KLHL11: variants seen among roughly 807,000 people sequenced by gnomAD.
KLHL11 encodes the protein kelch like family member 11.
A neutral mutation model predicts 56.1 loss-of-function variants in KLHL11; 26 were observed. The observed-to-expected ratio is 0.46, with a 90% CI of 0.34 to 0.64. The LOEUF is 0.64. Ranked by LOEUF, KLHL11 falls within the 30% of genes least tolerant of loss-of-function variation. The pLI is 0.01. For synonymous variants in KLHL11, 338 were observed against 345.8 expected (o/e 0.98, Z 0.25); for missense variants, 627 against 919.4 (o/e 0.68, Z 4.11).
At position 41,851,674 on chromosome 17, in the gene KLHL11, T is replaced by C. The variant is rs371904918; in HGVS notation, c.*2066A>G. Among the ~76,000 whole-genome samples the C allele has an allele frequency of 6.6e-6, 1 of 150,816 alleles. No individual in the cohort carries two copies. The highest frequency in any genetic ancestry group is 1.5e-5 in the Non-Finnish European group (1 of 67,810). On this transcript the variant is annotated 3_prime_UTR_variant, in exon 2 of 2. Coordinates refer to ENST00000319121, the MANE Select transcript of KLHL11 (RefSeq NM_018143.3). Reference sequence around the variant, plus strand: ...TAATCCTAGCACCCTGGGAGGCTGATACGGGTGGATCTCCTGAGCCCAGGA... The same window carrying C: ...TAATCCTAGCACCCTGGGAGGCTGACACGGGTGGATCTCCTGAGCCCAGGA...
chr17:41,858,400 A>G (rs552339356), intron 1 of KLHL11, among the ~76,000 whole-genome samples: 78 of 79,190 alleles, frequency 9.8e-4, no homozygotes, highest in African/African-American at 3.4e-3. Context: ...ATATATATAT[A>G]TATATTTTTT....
chr17:41,863,340 G>GCCTCCCCAACA, intron 1 of KLHL11, among the ~76,000 whole-genome samples: 1 of 152,024 alleles, frequency 6.6e-6, no homozygotes, highest in South Asian at 2.1e-4. Context: ...TGGGATTACA[G>GCCTCCCCAACA]GCACACCACC....
chr17:41,858,248 G>C (rs1363582861), intron 1 of KLHL11, among the ~76,000 whole-genome samples: 1 of 122,452 alleles, frequency 8.2e-6, no homozygotes, highest in South Asian at 2.7e-4. Context: ...TTTTGAGACA[G>C]ATCAGATTCT....
rs375008664 is a variant in KLHL11, at chr17:41,863,255, A to G, written c.545+1571T>C. 2.9e-3 allele frequency among the ~76,000 whole-genome samples: 439 copies of G among 149,558 alleles called. 5 individuals are homozygous for G. Among genetic ancestry groups the G allele is most frequent in the African/African-American group, 0.01 (417 of 40,516 alleles). ...CGCCAGGCTGGAGTAGAGCGGCGCA[A>G]TCTCAGCTTACTGCAACCTCAGCCT... On this transcript the variant is annotated intron_variant, in intron 1 of 1. Coordinates refer to ENST00000319121, the MANE Select transcript of KLHL11 (RefSeq NM_018143.3).
chr17:41,854,140 G>A lies in KLHL11; in HGVS notation c.1727C>T (p.Ala576Val). The A allele has an allele frequency of 6.2e-7, 1 of 1,614,036 alleles. No homozygotes were observed. Among genetic ancestry groups the A allele is most frequent in the East Asian group, 2.2e-5 (1 of 44,892 alleles). Residue 576 changes from alanine (A) to valine (V), a missense_variant, in exon 2 of 2, where the codon GCA becomes GTA. Physicochemically the swap from Ala to Val is moderately conservative, Grantham distance 64. Around this residue, in one of 4 missense-constraint regions of KLHL11, gnomAD observed 250 missense variants for 360.6 expected, o/e 0.69. Coordinates refer to ENST00000319121, the MANE Select transcript of KLHL11 (RefSeq NM_018143.3). This position sits in a 1 kb window ranked among gnomAD's most constrained non-coding sequence, Gnocchi z 4.9. Reference protein sequence around the residue: ...PKSYCLENEEAVRKIASQVSD... With the variant: ...PKSYCLENEEVVRKIASQVSD... ...CACTTGGCTGGCAATTTTTCTTACTGCCTCTTCGTTTTCTAAACAATAACT... is the reference window on the plus strand; with the variant it reads ...CACTTGGCTGGCAATTTTTCTTACTACCTCTTCGTTTTCTAAACAATAACT...
chr17:41,864,788 C>A (rs782448609), intron 1 of KLHL11, 38 bp downstream of exon 1: 34 of 1,480,632 alleles, frequency 2.3e-5, no homozygotes, highest in Non-Finnish European at 3.0e-5. Context: ...CCCCTCTCCG[C>A]GCCCGCCGCC....
At position 41,853,342 on chromosome 17, in the gene KLHL11, A is replaced by G. The variant is rs1284968127; in HGVS notation, c.*398T>C. Among the ~76,000 whole-genome samples, 5 of 152,254 alleles carry G rather than the reference A, an allele frequency of 3.3e-5. No homozygotes were observed. The highest frequency in any genetic ancestry group is 7.3e-5 in the Non-Finnish European group (5 of 68,046). On this transcript the variant is annotated 3_prime_UTR_variant, in exon 2 of 2. Coordinates refer to ENST00000319121, the MANE Select transcript of KLHL11 (RefSeq NM_018143.3). ...AAGTCAGATCTTGCCAAAACCAATCATTTAATAAAAAATGAAAAAGAATAT... is the reference window on the plus strand; with the variant it reads ...AAGTCAGATCTTGCCAAAACCAATCGTTTAATAAAAAATGAAAAAGAATAT...
At position 41,865,332 on chromosome 17, in the gene KLHL11, G is replaced by GGCCGCCGCCGCC. The variant is rs540223512; in HGVS notation, c.27_38dup (p.Ala13_Ala16dup). 3.5e-6 allele frequency: 5 copies of GGCCGCCGCCGCC among 1,442,220 alleles called. No individual in the cohort carries two copies. The highest frequency in any genetic ancestry group is 4.1e-4 in the Middle Eastern group (2 of 4,822). 89.3% of individuals were successfully genotyped at this position (1,442,220 alleles called of 1,614,324 possible). Reference sequence around the variant, plus strand: ...CCAGTACCTGAAGAGATGCAGCCGCGGCCGCCGCCGCCGCCGCCGCCACTG... The same window carrying GGCCGCCGCCGCC: ...CCAGTACCTGAAGAGATGCAGCCGCGGCCGCCGCCGCCGCCGCCGCCGCCGCCGCCGCCACTG... On this transcript the variant is annotated inframe_insertion, in exon 1 of 2. Coordinates refer to ENST00000319121, the MANE Select transcript of KLHL11 (RefSeq NM_018143.3).
Position 41,853,805 on chromosome 17 carries a change from T to C in KLHL11, c.2062A>G (p.Met688Val). Residue 688 changes from methionine (M) to valine (V), a missense_variant, in exon 2 of 2, where the codon ATG (methionine) becomes GTG (valine). By Grantham distance (21) the Met-to-Val change is conservative. Coordinates refer to ENST00000319121, the MANE Select transcript of KLHL11 (RefSeq NM_018143.3). ...AGGGCGTGACGATGTATCTCTTGCA[T>C]CTGTCTGATGCGGTCCTTCTGCCAC... ...LMWQKDRIRQ[M>V]QEIHRHALNM... 1 of 1,614,196 alleles carries C rather than the reference T, an allele frequency of 6.2e-7. No individual in the cohort carries two copies. Among genetic ancestry groups the C allele is most frequent in the Non-Finnish European group, 8.5e-7 (1 of 1,180,028 alleles).
In KLHL11 at chr17:41,853,215, A is replaced by T. The variant is rs1303432618; in HGVS notation, c.*525T>A. Among the ~76,000 whole-genome samples, 15 of 152,230 alleles carry T rather than the reference A, an allele frequency of 9.9e-5. No homozygotes were observed. The highest frequency in any genetic ancestry group is 9.2e-4 in the Admixed American group (14 of 15,282). The stretch of plus-strand genomic sequence containing the variant: ...TCTAGATAAACATAAGAAAATATCA[A>T]TGCAAACATTCTCAAATTATCTTGC... On this transcript the variant is annotated 3_prime_UTR_variant, in exon 2 of 2. Coordinates refer to ENST00000319121, the MANE Select transcript of KLHL11 (RefSeq NM_018143.3).
chr17:41,860,489 G>T (rs1026135820), intron 1 of KLHL11, among the ~76,000 whole-genome samples: 1 of 152,110 alleles, frequency 6.6e-6, no homozygotes, highest in Non-Finnish European at 1.5e-5. Context: ...CCTGACAAAA[G>T]CCATTGGCTT....
chr17:41,856,138 G>C (rs1555622535), intron 1 of KLHL11, among the ~76,000 whole-genome samples: 1 of 151,964 alleles, frequency 6.6e-6, no homozygotes, highest in South Asian at 2.1e-4. Context: ...TTACAGGCGT[G>C]TGCCACCACA....
intron 1 of KLHL11, among the ~76,000 whole-genome samples, chr17:41,856,269 C>T (rs1039453580): frequency 9.9e-5 from 15 of 152,164 alleles, no homozygotes; most frequent in East Asian, 3.9e-4. Context: ...AGATTACAGG[C>T]GTGGGCCACT....
intron 1 of KLHL11, among the ~76,000 whole-genome samples, chr17:41,862,232 G>C (rs2048408278): frequency 6.6e-6 from 1 of 151,720 alleles, no homozygotes; most frequent in Non-Finnish European, 1.5e-5. Context: ...GGGATTACAG[G>C]CACCTGCCAC....
rs1037077857 is a variant in KLHL11 at position 41,864,903 on chromosome 17, G to C, written c.468C>G (p.Ala156=). Residue 156 remains alanine (A), a synonymous_variant, in exon 1 of 2, where the codon GCC becomes GCG. Coordinates refer to ENST00000319121, the MANE Select transcript of KLHL11 (RefSeq NM_018143.3). The part of the protein sequence containing the change: ...EPGPEPDTVE[A]VIEYMYTGRI... ...GCCCGGTGTACATGTACTCGATTACGGCTTCCACTGTGTCGGGTTCGGGCC... is the reference window on the plus strand; with the variant it reads ...GCCCGGTGTACATGTACTCGATTACCGCTTCCACTGTGTCGGGTTCGGGCC... 1.9e-6 allele frequency: 3 copies of C among 1,609,296 alleles called. No individual in the cohort carries two copies. The highest frequency in any genetic ancestry group is 2.5e-6 in the Non-Finnish European group (3 of 1,178,184).
At chr17:41,859,666 C>T (rs1240016064) in intron 1 of KLHL11, among the ~76,000 whole-genome samples, 2 of 152,044 alleles carry the variant, frequency 1.3e-5, no homozygotes, top group Non-Finnish European at 2.9e-5. Context: ...TAAGAATTGC[C>T]TGAACCTGGG....
Position 41,848,814 on chromosome 17 carries a change from C to G in KLHL11, c.*4926G>C, listed in dbSNP as rs1255690209. The stretch of plus-strand genomic sequence containing the variant: ...GATCATAAAATCTTCAAACACCTAG[C>G]AAGCACTACTTTTCACGAGTGCATT... On this transcript the variant is annotated 3_prime_UTR_variant, in exon 2 of 2. Transcript: ENST00000319121. The G allele has an allele frequency of 6.4e-6, 1 of 157,410 alleles. No homozygotes were observed. The highest frequency in any genetic ancestry group is 1.4e-5 in the Non-Finnish European group (1 of 70,902). The allele number at this position is 157,410 out of a possible 1,614,324, so 9.8% of individuals were successfully genotyped here. A position where few individuals can be genotyped will look rare whatever the true frequency, so the allele number is the denominator to read the frequency against.
rs1433833476 is a variant in KLHL11, at chr17:41,858,678, C to A, written c.546-3357G>T. On this transcript the variant is annotated intron_variant, in intron 1 of 1. Coordinates refer to ENST00000319121, the MANE Select transcript of KLHL11 (RefSeq NM_018143.3). ...CGAACTCTTCACCTCAGGTGATCCA[C>A]CCACCTCGGCCACCCAAAGTGCTGG... Among the ~76,000 whole-genome samples the A allele has an allele frequency of 2.0e-5, 3 of 152,232 alleles. No individual in the cohort carries two copies. In the East Asian group the frequency reaches 5.8e-4, roughly 29 times the overall value.
rs1555622070 is a variant in KLHL11, at chr17:41,852,182, A to G, written c.*1558T>C. ...CACGTGCCAGCTACCACACTCAGCTAATTTTTCTACTTTTTGTAGAGACAG... is the reference window on the plus strand; with the variant it reads ...CACGTGCCAGCTACCACACTCAGCTGATTTTTCTACTTTTTGTAGAGACAG... On this transcript the variant is annotated 3_prime_UTR_variant, in exon 2 of 2. Transcript: ENST00000319121. 6.6e-6 allele frequency among the ~76,000 whole-genome samples: 1 copy of G among 151,882 alleles called. No individual in the cohort carries two copies. Among genetic ancestry groups the G allele is most frequent in the African/African-American group, 2.4e-5 (1 of 41,376 alleles).
Sources: allele counts gnomAD v4.1 joint callset (sites outside exome capture counted in the v4.1 genomes callset), GRCh38; gene constraint gnomAD v4.1.1; regional missense constraint gnomAD v4.1.1; non-coding constraint Gnocchi (gnomAD v3.1); transcripts MANE v1.5; gene names NCBI Gene and HGNC (gene_info 2026-07-23, HGNC 2026-07-21).